Variants in ZNF100 observed in about 807,000 individuals in gnomAD.
ZNF100 encodes zinc finger protein 100 (Y1).
ZNF100 carries 12 observed loss-of-function variants against 15.8 expected under a neutral mutation model. The observed-to-expected ratio is 0.76, with a 90% CI of 0.49 to 1.23. The LOEUF is 1.23. Ranked by LOEUF, ZNF100 falls within the 50% of genes most tolerant of loss-of-function variation. The pLI is 0.00. For synonymous variants in ZNF100, 226 were observed against 214.8 expected (o/e 1.05, Z -0.45); for missense variants, 670 against 635.6 (o/e 1.05, Z -0.58).
At chr19:21,767,315 C>A (rs1231826901) in intron 1 of ZNF100, 112 bp downstream of exon 1, 5 of 1,580,620 alleles carry the variant, frequency 3.2e-6, no homozygotes, top group Middle Eastern at 1.7e-4. Context: ...CTGGGCAAGG[C>A]GCAGATTGTG....
intron 4 of ZNF100, among the ~76,000 whole-genome samples, chr19:21,733,273 T>C (rs1316221952): frequency 6.6e-6 from 1 of 152,184 alleles, no homozygotes; most frequent in Non-Finnish European, 1.5e-5. Flanking sequence ...TGTTAATAGA[T>C]ACACAATGTA....
intron 2 of ZNF100, among the ~76,000 whole-genome samples, chr19:21,749,272 T>C (rs2036263102): frequency 6.6e-6 from 1 of 150,874 alleles, no homozygotes; most frequent in Non-Finnish European, 1.5e-5. Flanking sequence ...CAAAGTTATC[T>C]CTTGTATGAG....
In ZNF100 at chr19:21,727,567, T is replaced by G. The variant is rs183260631; in HGVS notation, c.745A>C (p.Thr249Pro). The change falls in exon 5 of 5, where the codon ACT becomes CCT. Residue 249 changes from threonine (T) to proline (P), a missense_variant. Coordinates refer to ENST00000358296, the MANE Select transcript of ZNF100 (RefSeq NM_173531.4). ...CCAGTATGAATTCTCCTGTGTGTAG[T>G]AAGGGTTGAGAACCAGTTGAAGGCT... is the stretch of plus-strand genomic sequence containing the variant. ...GKAFNWFSTLTTHRRIHTGEK... is the reference protein window; with the variant it reads ...GKAFNWFSTLPTHRRIHTGEK... The G allele has an allele frequency of 1.9e-5, 30 of 1,613,868 alleles. 1 individual carries two copies. The East Asian group carries it at 6.7e-4, about 36-fold the overall frequency.
intron 2 of ZNF100, among the ~76,000 whole-genome samples, chr19:21,765,486 T>C (rs1042704240): frequency 2.0e-5 from 3 of 152,222 alleles, no homozygotes; most frequent in African/African-American, 7.2e-5. Flanking sequence ...TTGGAATACT[T>C]TTTGGTAACA....
chr19:21,742,461 T>C (rs1394838472), intron 4 of ZNF100, among the ~76,000 whole-genome samples: 1 of 146,598 alleles, frequency 6.8e-6, no homozygotes, highest in African/African-American at 2.5e-5. Flanking sequence ...GCTATTGCAC[T>C]CCAGCCTGGG....
At chr19:21,755,141 G>A (rs765491072) in intron 2 of ZNF100, among the ~76,000 whole-genome samples, 1 of 151,848 alleles carries the variant, frequency 6.6e-6, no homozygotes, top group African/African-American at 2.4e-5. Context: ...GGAGAAACCC[G>A]TCTCTACTAA....
In ZNF100 at chr19:21,723,390, A is replaced by C. The variant is rs2035717587; in HGVS notation, c.*3293T>G. The stretch of plus-strand genomic sequence containing the variant: ...AAAAAAAAAAAAAAAAAAACAACCA[A>C]CTTTCTCGTCAAAATTTACAAAGTA... On this transcript the variant is annotated 3_prime_UTR_variant, in exon 5 of 5. Transcript: ENST00000358296. 2 of 150,834 alleles carry C rather than the reference A, an allele frequency of 1.3e-5. No individual in the cohort carries two copies. The highest frequency in any genetic ancestry group is 3.0e-5 in the Non-Finnish European group (2 of 67,792). 9.3% of individuals were successfully genotyped at this position (150,834 alleles called of 1,614,324 possible).
At chr19:21,745,608 C>G (rs1272264714) in intron 2 of ZNF100, among the ~76,000 whole-genome samples, 1 of 151,832 alleles carries the variant, frequency 6.6e-6, no homozygotes, top group Admixed American at 6.6e-5. Context: ...CTGCAAGCTC[C>G]GCTTCCTGGG....
chr19:21,758,043 T>A (rs1372053082), intron 2 of ZNF100, among the ~76,000 whole-genome samples: 2 of 150,456 alleles, frequency 1.3e-5, no homozygotes, highest in African/African-American at 2.4e-5. Flanking sequence ...TAAAAAAAAA[T>A]AAAGAAAAGA....
At chr19:21,741,208 T>A (rs1336057764) in intron 4 of ZNF100, among the ~76,000 whole-genome samples, 1 of 152,142 alleles carries the variant, frequency 6.6e-6, no homozygotes, top group Non-Finnish European at 1.5e-5. Context: ...ATAGTCACAC[T>A]CATAAAAACA....
At position 21,724,146 on chromosome 19, in the gene ZNF100, G is replaced by C. The variant is rs1336473485; in HGVS notation, c.*2537C>G. ...AACAGAATTTTCATGGGGAGATTCA[G>C]AACTATAAGCCACAGAATGTACAGT... On this transcript the variant is annotated 3_prime_UTR_variant, in exon 5 of 5. Coordinates refer to ENST00000358296, the MANE Select transcript of ZNF100 (RefSeq NM_173531.4). 1 of 152,170 alleles carries C rather than the reference G, an allele frequency of 6.6e-6. No individual in the cohort carries two copies. Among genetic ancestry groups the C allele is most frequent in the Non-Finnish European group, 1.5e-5 (1 of 67,996 alleles). The allele number at this position is 152,170 out of a possible 1,614,324, so 9.4% of individuals were successfully genotyped here. A position where few individuals can be genotyped will look rare whatever the true frequency, so the allele number is the denominator to read the frequency against.
Position 21,724,012 on chromosome 19 carries a change from T to C in ZNF100, c.*2671A>G, listed in dbSNP as rs369069519. 1 of 152,174 alleles carries C rather than the reference T, an allele frequency of 6.6e-6. No homozygotes were observed. Among genetic ancestry groups the C allele is most frequent in the Non-Finnish European group, 1.5e-5 (1 of 68,026 alleles). The allele number at this position is 152,174 out of a possible 1,614,324, so 9.4% of individuals were successfully genotyped here. ...CACTAAATTTTGTAAAAATTATTCT[T>C]ATAATCACAGACCAGCTCACATAAT... On this transcript the variant is annotated 3_prime_UTR_variant, in exon 5 of 5. Coordinates refer to ENST00000358296, the MANE Select transcript of ZNF100 (RefSeq NM_173531.4).
At chr19:21,745,978 T>A (rs1331651528) in intron 2 of ZNF100, among the ~76,000 whole-genome samples, 1 of 152,148 alleles carries the variant, frequency 6.6e-6, no homozygotes, top group East Asian at 1.9e-4. Flanking sequence ...GACAGCTACA[T>A]GCAAAGAAAA....
intron 2 of ZNF100, among the ~76,000 whole-genome samples, chr19:21,760,309 A>T (rs1210554656): frequency 6.6e-6 from 1 of 152,036 alleles, no homozygotes; most frequent in Non-Finnish European, 1.5e-5. Context: ...CCTGTCCAAC[A>T]TGGTGAAACC....
intron 4 of ZNF100, among the ~76,000 whole-genome samples, 155 bp from the exon 5 acceptor site, chr19:21,728,144 A>C (rs78520273): frequency 1.3e-5 from 2 of 151,542 alleles, no homozygotes; most frequent in African/African-American, 4.8e-5. Context: ...AAAAAAAAAA[A>C]CCAACCAAAT....
In ZNF100 at chr19:21,726,376, C is replaced by A; in HGVS notation, c.*307G>T. The stretch of plus-strand genomic sequence containing the variant: ...TGTTCACACATGTAGAAGTTTTCTC[C>A]AGTATAACTTACCTTACCTACAATC... On this transcript the variant is annotated 3_prime_UTR_variant, in exon 5 of 5. Transcript: ENST00000358296. The A allele has an allele frequency of 3.3e-6, 1 of 306,110 alleles. No homozygotes were observed. The highest frequency in any genetic ancestry group is 6.0e-6 in the Non-Finnish European group (1 of 166,644). 19.0% of individuals were successfully genotyped at this position (306,110 alleles called of 1,614,324 possible).
At chr19:21,758,498 T>C (rs147158416) in intron 2 of ZNF100, among the ~76,000 whole-genome samples, 1 of 152,318 alleles carries the variant, frequency 6.6e-6, no homozygotes, top group East Asian at 1.9e-4. Context: ...GGTGGCGCTG[T>C]ACTCTGATTT....
Position 21,767,579 on chromosome 19 carries a change from C to T in ZNF100, c.-150G>A. ...CTCCGGCTACAGCGAGAGACAAAGA[C>T]CCCGCCAAACCCGGAAGCCGTCCAG... On this transcript the variant is annotated 5_prime_UTR_variant, in exon 1 of 5. Coordinates refer to ENST00000358296, the MANE Select transcript of ZNF100 (RefSeq NM_173531.4). 2 of 1,271,772 alleles carry T rather than the reference C, an allele frequency of 1.6e-6. No homozygotes were observed. Among genetic ancestry groups the T allele is most frequent in the Non-Finnish European group, 2.2e-6 (2 of 918,588 alleles). The allele number at this position is 1,271,772 out of a possible 1,614,324, so 78.8% of individuals were successfully genotyped here. A position where few individuals can be genotyped will look rare whatever the true frequency, so the allele number is the denominator to read the frequency against.
At chr19:21,745,624 G>A (rs12983229) in intron 2 of ZNF100, among the ~76,000 whole-genome samples, 12,273 of 151,750 alleles carry the variant, frequency 0.081, 629 homozygotes, top group South Asian at 0.18. Flanking sequence ...CTGGGTTCAC[G>A]CCATTCTCCT....
Sources: allele counts gnomAD v4.1 joint callset (sites outside exome capture counted in the v4.1 genomes callset), GRCh38; gene constraint gnomAD v4.1.1; transcripts MANE v1.5; gene names NCBI Gene and HGNC (gene_info 2026-07-23, HGNC 2026-07-21).